The following PDIA3 variants were observed in gnomAD, a reference collection of about 807,000 sequenced individuals.
PDIA3 encodes the protein protein disulfide isomerase family A member 3, also known as protein disulfide-isomerase A3.
A neutral mutation model predicts 56.9 loss-of-function variants in PDIA3; 16 were observed. The ratio of observed to expected loss-of-function variants is 0.28; its 90% confidence interval spans 0.19 to 0.43. PDIA3 has a LOEUF of 0.43. Ranked by LOEUF, PDIA3 falls within the 20% of genes least tolerant of loss-of-function variation. The pLI is 1.00. For synonymous variants in PDIA3, 192 were observed against 216.5 expected (o/e 0.89, Z 0.99); for missense variants, 485 against 621.3 (o/e 0.78, Z 2.33).
chr15:43,749,706 T>C (rs1167617700), intron 1 of PDIA3, among the ~76,000 whole-genome samples: 1 of 151,910 alleles, frequency 6.6e-6, no homozygotes, highest in Non-Finnish European at 1.5e-5. Flanking sequence ...GTTGGGAAAA[T>C]CACTTGAACC....
At chr15:43,767,027 C>A in intron 8 of PDIA3, 117 bp downstream of exon 8, 1 of 909,018 alleles carries the variant, frequency 1.1e-6, no homozygotes, top group African/African-American at 1.7e-5. Context: ...TAATCAAGAC[C>A]TATGACTGTC....
chr15:43,763,542 C>T (rs567379656), intron 5 of PDIA3, among the ~76,000 whole-genome samples: 6 of 152,220 alleles, frequency 3.9e-5, no homozygotes, highest in Admixed American at 6.5e-5. Context: ...CATGAGCCAC[C>T]GCACCCAGCT....
chr15:43,748,827 G>A (rs2086724519), intron 1 of PDIA3, among the ~76,000 whole-genome samples: 1 of 150,370 alleles, frequency 6.7e-6, no homozygotes, highest in African/African-American at 2.5e-5. Flanking sequence ...AGAGTGCCAT[G>A]GCACTATCTT....
chr15:43,753,613 A>G (rs2086758445), intron 1 of PDIA3, among the ~76,000 whole-genome samples: 2 of 152,206 alleles, frequency 1.3e-5, no homozygotes, highest in Non-Finnish European at 2.9e-5. Flanking sequence ...AGTACTATGG[A>G]GTCAACCTCA....
In PDIA3 at chr15:43,753,719, A is replaced by T. The variant is rs534825853; in HGVS notation, c.168-105A>T. 5.0e-6 allele frequency: 4 copies of T among 793,020 alleles called. 1 individual carries two copies. The Admixed American group carries it at 6.6e-5, about 13-fold the overall frequency. 49.1% of individuals were successfully genotyped at this position (793,020 alleles called of 1,614,324 possible). ...ATGATTTTGCTTTTTGGAAGTGTCT[A>T]CTAGCTCAAAGGTAGTATTATAGTT... On this transcript the variant is annotated intron_variant, in intron 1 of 12. Coordinates refer to ENST00000300289, the MANE Select transcript of PDIA3 (RefSeq NM_005313.5).
chr15:43,747,568 T>A (rs1309971489), intron 1 of PDIA3, among the ~76,000 whole-genome samples: 3 of 151,856 alleles, frequency 2.0e-5, no homozygotes, highest in Non-Finnish European at 4.4e-5. Flanking sequence ...GTTTTTTTTT[T>A]TTATTTGTGT....
chr15:43,755,361 C>T (rs2086772069), intron 2 of PDIA3, among the ~76,000 whole-genome samples: 1 of 152,006 alleles, frequency 6.6e-6, no homozygotes, highest in Non-Finnish European at 1.5e-5. Context: ...TAAATGAGTT[C>T]CCTAAACTGC....
intron 4 of PDIA3, 130 bp from the exon 5 acceptor site, chr15:43,762,947 A>G: frequency 1.2e-6 from 1 of 825,630 alleles, no homozygotes; most frequent in Non-Finnish European, 1.9e-6. Context: ...TGAGGTAGTC[A>G]TGGCAAAGCA....
At chr15:43,769,701 G>A in intron 10 of PDIA3, 55 bp downstream of exon 10, 1 of 1,586,142 alleles carries the variant, frequency 6.3e-7, no homozygotes, top group South Asian at 1.1e-5. Context: ...GTAAGTTTAT[G>A]TATGTATTCA....
At chr15:43,750,611 T>C (rs2086737511) in intron 1 of PDIA3, among the ~76,000 whole-genome samples, 1 of 150,618 alleles carries the variant, frequency 6.6e-6, no homozygotes, top group African/African-American at 2.4e-5. Flanking sequence ...CCGTCTCTAC[T>C]AAAAATACAA....
intron 9 of PDIA3, among the ~76,000 whole-genome samples, chr15:43,769,168 G>A (rs760988951): frequency 6.6e-6 from 1 of 152,130 alleles, no homozygotes; most frequent in Non-Finnish European, 1.5e-5. Flanking sequence ...GTGTTGCTTT[G>A]AATTTTTTAT....
chr15:43,763,801 T>C (rs2086832386), intron 5 of PDIA3, among the ~76,000 whole-genome samples: 1 of 151,318 alleles, frequency 6.6e-6, no homozygotes, highest in African/African-American at 2.4e-5. Context: ...ATATCAGAAA[T>C]ATTCATAGAG....
At chr15:43,746,841 AT>A in intron 1 of PDIA3, 135 bp downstream of exon 1, 1 of 1,014,140 alleles carries the variant, frequency 9.9e-7, no homozygotes. Context: ...CACATTTCTC[AT>A]TCCCGGGAGC....
In PDIA3 at chr15:43,756,712, A is replaced by C. The variant is rs2086780558; in HGVS notation, c.310A>C (p.Lys104Gln). 1 of 1,610,808 alleles carries C rather than the reference A, an allele frequency of 6.2e-7. No homozygotes were observed. The highest frequency in any genetic ancestry group is 1.3e-5 in the African/African-American group (1 of 74,862). The change falls in exon 3 of 13, where the codon AAG becomes CAG. Residue 104 changes from lysine (K) to glutamine (Q), a missense_variant. Lys to Gln is a moderately conservative substitution (Grantham distance 53). Transcript: ENST00000300289. ...TGGAGTCAGTGGATATCCAACCCTG[A>C]AGATATTTAGAGATGGTGAAGAAGC... Reference protein sequence around the residue: ...KYGVSGYPTLKIFRDGEEAGA... With the variant: ...KYGVSGYPTLQIFRDGEEAGA...
chr15:43,758,485 C>G (rs1051349485), intron 3 of PDIA3, among the ~76,000 whole-genome samples: 1 of 151,326 alleles, frequency 6.6e-6, no homozygotes, highest in African/African-American at 2.4e-5. Flanking sequence ...GTGGTGAAAC[C>G]GTCTCTCTAC....
chr15:43,752,610 TCTTTTATA>T (rs957545394), intron 1 of PDIA3, among the ~76,000 whole-genome samples: 1 of 152,234 alleles, frequency 6.6e-6, no homozygotes, highest in Non-Finnish European at 1.5e-5. Context: ...ATCATTTGGT[TCTTTTATA>T]CTTTAATAGG....
chr15:43,748,594 T>C (rs2086722626), intron 1 of PDIA3, among the ~76,000 whole-genome samples: 1 of 152,138 alleles, frequency 6.6e-6, no homozygotes, highest in Non-Finnish European at 1.5e-5. Context: ...GTCCCAAGAA[T>C]TGGGTGGATC....
chr15:43,754,392 C>CAAAA (rs1048781007), intron 2 of PDIA3, among the ~76,000 whole-genome samples: 1 of 51,194 alleles, frequency 2.0e-5, no homozygotes, highest in Non-Finnish European at 4.1e-5. Flanking sequence ...GACTCCGTCT[C>CAAAA]AAAAAAAAAA....
At chr15:43,747,791 C>G (rs1236333820) in intron 1 of PDIA3, among the ~76,000 whole-genome samples, 3 of 152,022 alleles carry the variant, frequency 2.0e-5, no homozygotes, top group African/African-American at 4.8e-5. Flanking sequence ...TCAGGTCTTC[C>G]CTTCTTAGCC....
Sources: gnomAD v4.1 joint callset for allele counts (sites outside exome capture counted in the v4.1 genomes callset) on GRCh38, gnomAD v4.1.1 for gene constraint, MANE v1.5 for transcripts, NCBI Gene and HGNC (gene_info 2026-07-23, HGNC 2026-07-21) for gene names.